Variants in EDRF1 observed in about 807,000 individuals in gnomAD.
The protein encoded by EDRF1 is erythroid differentiation-related factor 1.
In EDRF1, 69 loss-of-function variants were observed where a neutral mutation model predicts 148.7. The observed-to-expected ratio is 0.46, with a 90% CI of 0.38 to 0.57. The LOEUF (loss-of-function observed/expected upper bound fraction) is 0.57, where lower values mean the gene tolerates loss of function less well. Ranked by LOEUF, EDRF1 falls within the 20% of genes least tolerant of loss-of-function variation. The probability of loss-of-function intolerance (pLI) is 0.00; values close to 1 mark genes in which losing one functional copy is unlikely to be tolerated. For synonymous variants in EDRF1, 515 were observed against 532.8 expected (o/e 0.97, Z 0.46); for missense variants, 1,118 against 1,478.7 (o/e 0.76, Z 4.00).
chr10:125,747,473 T>A, intron 19 of EDRF1, 63 bp from the exon 20 acceptor site: 1 of 1,555,042 alleles, frequency 6.4e-7, no homozygotes, highest in Non-Finnish European at 8.9e-7. Flanking sequence ...GTGTTTTATT[T>A]TAATGCAGTA....
At chr10:125,735,994 C>T in intron 13 of EDRF1, 90 bp downstream of exon 13, 1 of 1,199,204 alleles carries the variant, frequency 8.3e-7, no homozygotes, top group South Asian at 1.4e-5. Context: ...ACCATTACTT[C>T]AATAAACCTT....
chr10:125,744,113 A>G (rs1849193259), intron 18 of EDRF1, among the ~76,000 whole-genome samples: 1 of 152,170 alleles, frequency 6.6e-6, no homozygotes, highest in African/African-American at 2.4e-5. Flanking sequence ...ATAGATAAGA[A>G]TGTAAAGCCT....
rs569416699 is a variant in EDRF1, at chr10:125,743,225, A to G, written c.2539A>G (p.Ile847Val). Residue 847 changes from isoleucine (I) to valine (V), a missense_variant, in exon 18 of 25, where the codon ATT (isoleucine) becomes GTT (valine). By Grantham distance (29) the Ile-to-Val change is conservative (BLOSUM62 3). Transcript: ENST00000356792. ...LKRMGNIRNE[I>V]GVFYMNQAAA... ...GAGAATGGGTAACATTAGAAATGAAATTGGTGTGTTTTACATGAATCAGGC... is the reference window on the plus strand; with the variant it reads ...GAGAATGGGTAACATTAGAAATGAAGTTGGTGTGTTTTACATGAATCAGGC... 6.2e-7 allele frequency: 1 copy of G among 1,613,904 alleles called. No homozygotes were observed. Among genetic ancestry groups the G allele is most frequent in the South Asian group, 1.1e-5 (1 of 91,072 alleles).
chr10:125,742,299 C>T (rs961792692), intron 17 of EDRF1: 20 of 1,285,928 alleles, frequency 1.6e-5, no homozygotes, highest in Admixed American at 7.0e-5. Flanking sequence ...TGTGTAACCA[C>T]GCTGCCATTA....
chr10:125,726,448 CTTGT>C (rs1240471492), intron 6 of EDRF1, among the ~76,000 whole-genome samples: 8 of 152,122 alleles, frequency 5.3e-5, no homozygotes, highest in Non-Finnish European at 1.2e-4. Flanking sequence ...CTTCCTAATG[CTTGT>C]TTATTTTTGT....
chr10:125,724,574 A>C lies in EDRF1; in HGVS notation c.510+638A>C, dbSNP rs192359768. On this transcript the variant is annotated intron_variant, in intron 4 of 24. Transcript: ENST00000356792. ...TCTGCGATGTTCACACCAGGACAAAATCACCTAATGACGCGCTTCTCAGAA... is the reference window on the plus strand; with the variant it reads ...TCTGCGATGTTCACACCAGGACAAACTCACCTAATGACGCGCTTCTCAGAA... Among the ~76,000 whole-genome samples, 314 of 152,330 alleles carry C rather than the reference A, an allele frequency of 2.1e-3. 1 individual carries two copies. The highest frequency in any genetic ancestry group is 7.1e-3 in the African/African-American group (295 of 41,576).
intron 3 of EDRF1, 79 bp downstream of exon 3, chr10:125,723,213 A>C (rs1415418802): frequency 5.6e-6 from 7 of 1,244,794 alleles, no homozygotes; most frequent in Non-Finnish European, 7.1e-6. Context: ...GTTTTGCATA[A>C]TATAAATGTG....
chr10:125,738,566 G>C, intron 15 of EDRF1, 121 bp downstream of exon 15: 1 of 1,183,762 alleles, frequency 8.4e-7, no homozygotes, highest in Non-Finnish European at 1.2e-6. Flanking sequence ...GATATCCTGT[G>C]AACTGGAATT....
intron 18 of EDRF1, among the ~76,000 whole-genome samples, chr10:125,745,056 C>T (rs1270042355): frequency 6.6e-6 from 1 of 152,206 alleles, no homozygotes; most frequent in African/African-American, 2.4e-5. Flanking sequence ...ACCCAGACAG[C>T]TACTAAGTGA....
rs761068979 is a variant in EDRF1 at position 125,763,383 on chromosome 10, G to A, written c.3628G>A (p.Ala1210Thr). ...QLLRATANKT[A>T]TLLERINVIV... ...TTTGAGAGCAACTGCAAATAAAACCGCGACTCTTCTGGAAAGAATCAACGT... is the reference window on the plus strand; with the variant it reads ...TTTGAGAGCAACTGCAAATAAAACCACGACTCTTCTGGAAAGAATCAACGT... Residue 1210 changes from alanine (A) to threonine (T), a missense_variant, in exon 25 of 25, where the codon GCG (alanine) becomes ACG (threonine). Ala to Thr is a moderately conservative substitution (Grantham distance 58). Coordinates refer to ENST00000356792, the MANE Select transcript of EDRF1 (RefSeq NM_001202438.2). The surrounding 1 kb of genome is among the most constrained non-coding windows in gnomAD (Gnocchi z 4.3). The A allele has an allele frequency of 8.1e-6, 13 of 1,613,182 alleles. No homozygotes were observed. Among genetic ancestry groups the A allele is most frequent in the South Asian group, 7.7e-5 (7 of 91,086 alleles).
intron 24 of EDRF1, among the ~76,000 whole-genome samples, chr10:125,761,857 G>C (rs182465709): frequency 7.2e-5 from 11 of 152,292 alleles, no homozygotes. Context: ...TCTTTCAAAT[G>C]CCTTTTCTAA....
intron 1 of EDRF1, among the ~76,000 whole-genome samples, chr10:125,720,856 A>G (rs1203932597): frequency 6.6e-6 from 1 of 152,094 alleles, no homozygotes; most frequent in Non-Finnish European, 1.5e-5. Context: ...AATACTGAAA[A>G]TAGGCTTTAC....
chr10:125,727,023 ATGTTT>A (rs1848285343), intron 6 of EDRF1, among the ~76,000 whole-genome samples: 1 of 107,972 alleles, frequency 9.3e-6, no homozygotes, highest in Non-Finnish European at 2.0e-5. Flanking sequence ...TGCCATGTGT[ATGTTT>A]GTACAAGGTT....
At chr10:125,747,363 A>G (rs1265600154) in intron 19 of EDRF1, 173 bp from the exon 20 acceptor site, 1 of 763,836 alleles carries the variant, frequency 1.3e-6, no homozygotes, top group Non-Finnish European at 2.1e-6. Flanking sequence ...AACTTTCTTC[A>G]TTGAAATATT....
intron 18 of EDRF1, among the ~76,000 whole-genome samples, chr10:125,744,273 C>A (rs1225792851): frequency 6.6e-6 from 1 of 150,764 alleles, no homozygotes; most frequent in Non-Finnish European, 1.5e-5. Context: ...GGCTAGAATG[C>A]AGTGGCATAA....
rs774999781 is a variant in EDRF1, at chr10:125,747,911, G to C, written c.3022G>C (p.Asp1008His). Reference protein sequence around the residue: ...EAMMKSLKYCDVDSVSARQPL... With the variant: ...EAMMKSLKYCHVDSVSARQPL... ...CATGATGAAGTCCCTAAAATACTGC[G>C]ATGTGGATTCAGTGTCTGCTCGACA... The change falls in exon 21 of 25, where the codon GAT (aspartate) becomes CAT (histidine). Residue 1008 changes from aspartate to histidine, a missense_variant. Coordinates refer to ENST00000356792, the MANE Select transcript of EDRF1 (RefSeq NM_001202438.2). 6.2e-7 allele frequency: 1 copy of C among 1,614,028 alleles called. No homozygotes were observed. Among genetic ancestry groups the C allele is most frequent in the Non-Finnish European group, 8.5e-7 (1 of 1,180,032 alleles).
intron 24 of EDRF1, among the ~76,000 whole-genome samples, chr10:125,762,288 T>C (rs111531940): frequency 0.013 from 2,016 of 152,302 alleles, 47 homozygotes; most frequent in African/African-American, 0.046. Flanking sequence ...TTGGAAAACA[T>C]GACATTTTGA....
At chr10:125,721,551 G>A (rs370054902) in intron 2 of EDRF1, 139 bp downstream of exon 2, 2 of 854,022 alleles carry the variant, frequency 2.3e-6, no homozygotes. Context: ...ATTTTCAAAG[G>A]CTTTTTATTC....
chr10:125,750,197 G>A (rs1480241654), intron 22 of EDRF1, among the ~76,000 whole-genome samples: 1 of 152,102 alleles, frequency 6.6e-6, no homozygotes, highest in Non-Finnish European at 1.5e-5. Flanking sequence ...ATTTGGGAAT[G>A]GAGAGGCAAC....
Sources: gnomAD v4.1 joint callset for allele counts (sites outside exome capture counted in the v4.1 genomes callset) on GRCh38, gnomAD v4.1.1 for gene constraint, Gnocchi (gnomAD v3.1) non-coding constraint, MANE v1.5 for transcripts, NCBI Gene and HGNC (gene_info 2026-07-23, HGNC 2026-07-21) for gene names.